ST3GAL6: variants seen among roughly 807,000 people sequenced by gnomAD.
ST3GAL6 encodes the protein type 2 lactosamine alpha-2,3-sialyltransferase.
Under a neutral mutation model 40.5 loss-of-function variants are expected in ST3GAL6, and 31 were observed. That is an observed-to-expected ratio of 0.77 (90% CI 0.58 to 1.03). ST3GAL6 has a LOEUF of 1.03. Among genes scored for constraint, ST3GAL6 ranks in the 50% least tolerant of loss-of-function variants. The probability of loss-of-function intolerance (pLI) is 0.00; values close to 1 mark genes in which losing one functional copy is unlikely to be tolerated. For synonymous variants in ST3GAL6, 129 were observed against 136.9 expected (o/e 0.94, Z 0.40); for missense variants, 357 against 393.2 (o/e 0.91, Z 0.78).
chr3:98,775,062 T>C (rs1024353501), intron 5 of ST3GAL6, among the ~76,000 whole-genome samples: 3 of 152,228 alleles, frequency 2.0e-5, no homozygotes, highest in African/African-American at 7.2e-5. Context: ...TGATTCTCTC[T>C]AATTCTGTAA....
chr3:98,782,822 C>T (rs1940272784), intron 5 of ST3GAL6: 5 of 505,588 alleles, frequency 9.9e-6, no homozygotes, highest in South Asian at 7.8e-5. Flanking sequence ...GTTGAATGAA[C>T]CCCTGAAACA....
Position 98,756,347 on chromosome 3 carries a change from C to T in ST3GAL6, c.-11-12083C>T, listed in dbSNP as rs149929848. 2.1e-4 allele frequency: 267 copies of T among 1,288,286 alleles called. No homozygotes were observed. In the East Asian group the frequency reaches 2.4e-3, roughly 12 times the overall value. 79.8% of individuals were successfully genotyped at this position (1,288,286 alleles called of 1,614,324 possible). ...CAGCTGAACCATTCTTAGAAACATA[C>T]TATCTTTATGTTTTATTTCAGCATT... On this transcript the variant is annotated intron_variant, in intron 1 of 9. Coordinates refer to the ST3GAL6 transcript ENST00000265261.
intron 6 of ST3GAL6, 41 bp from the exon 7 acceptor site, chr3:98,787,995 T>C: frequency 6.4e-7 from 1 of 1,556,592 alleles, no homozygotes. Flanking sequence ...TGGCAGATAC[T>C]GCACTTGGTC....
intron 1 of ST3GAL6, among the ~76,000 whole-genome samples, chr3:98,754,090 C>T (rs1937235802): frequency 6.6e-6 from 1 of 152,128 alleles, no homozygotes; most frequent in Non-Finnish European, 1.5e-5. Flanking sequence ...TTGTAAAGCT[C>T]TAGGTGTCAC....
chr3:98,762,991 A>T (rs1937949236), upstream of ST3GAL6: 2 of 985,324 alleles, frequency 2.0e-6, no homozygotes. Flanking sequence ...GATCTCACGC[A>T]TTTGGACTAC....
At chr3:98,792,879 TTAG>T (rs1377602408) in intron 9 of ST3GAL6, among the ~76,000 whole-genome samples, 1 of 152,094 alleles carries the variant, frequency 6.6e-6, no homozygotes, top group Non-Finnish European at 1.5e-5. Flanking sequence ...CTAACTTAAA[TTAG>T]TAGTGCATCA....
Position 98,795,394 on chromosome 3 carries a change from CCA to C in ST3GAL6, c.*1634_*1635del, listed in dbSNP as rs1941524806. 6.6e-6 allele frequency: 1 copy of C among 152,082 alleles called. No individual in the cohort carries two copies. Among genetic ancestry groups the C allele is most frequent in the South Asian group, 2.1e-4 (1 of 4,806 alleles). 9.4% of individuals were successfully genotyped at this position (152,082 alleles called of 1,614,324 possible). On this transcript the variant is annotated 3_prime_UTR_variant, in exon 10 of 10. Transcript: ENST00000483910. ...GGAGAACAGTAGTAGTTGATCTAAC[CCA>C]GATTAGACATGAATACCAGCATATG...
intron 1 of ST3GAL6, chr3:98,732,644 C>A: frequency 2.0e-6 from 1 of 496,666 alleles, no homozygotes. Flanking sequence ...GGCCACCGTG[C>A]AACTGGCGCC....
chr3:98,749,286 T>C lies in ST3GAL6; in HGVS notation c.-12+16754T>C, dbSNP rs143355230. On this transcript the variant is annotated intron_variant, in intron 1 of 9. Transcript: ENST00000265261. ...TAAAAAAATCTATCATATGTATTGA[T>C]TTATTTGTAATAATAAATTATAAGT... Among the ~76,000 whole-genome samples, 15 of 152,152 alleles carry C rather than the reference T, an allele frequency of 9.9e-5. No individual in the cohort carries two copies. In the East Asian group the frequency reaches 2.9e-3, roughly 29 times the overall value.
At chr3:98,738,589 T>G (rs1935785030) in intron 1 of ST3GAL6, among the ~76,000 whole-genome samples, 1 of 152,228 alleles carries the variant, frequency 6.6e-6, no homozygotes, top group Non-Finnish European at 1.5e-5. Context: ...CAGGTATTTC[T>G]TTATAGCAGT....
intron 1 of ST3GAL6, among the ~76,000 whole-genome samples, chr3:98,738,709 T>A (rs991640184): frequency 6.6e-6 from 1 of 152,220 alleles, no homozygotes. Flanking sequence ...AGCACCCAGA[T>A]TCACAAGGTA....
intron 9 of ST3GAL6, among the ~76,000 whole-genome samples, chr3:98,793,174 G>T (rs1467461181): frequency 2.0e-5 from 3 of 152,130 alleles, no homozygotes; most frequent in Non-Finnish European, 2.9e-5. Flanking sequence ...CTTTCCTGTA[G>T]CACTTGTGGT....
intron 2 of ST3GAL6, among the ~76,000 whole-genome samples, chr3:98,769,396 C>T (rs1405980350): frequency 1.3e-5 from 2 of 152,190 alleles, no homozygotes; most frequent in Non-Finnish European, 2.9e-5. Flanking sequence ...ACCCAAATAT[C>T]GGGCTAGAGA....
intron 6 of ST3GAL6, among the ~76,000 whole-genome samples, chr3:98,786,006 A>T (rs1940666199): frequency 6.6e-6 from 1 of 152,086 alleles, no homozygotes; most frequent in African/African-American, 2.4e-5. Flanking sequence ...AGCTTAGGAG[A>T]TTGGCTGGAG....
chr3:98,734,749 G>T (rs1039306151), intron 1 of ST3GAL6, among the ~76,000 whole-genome samples: 6 of 152,148 alleles, frequency 3.9e-5, no homozygotes, highest in African/African-American at 1.4e-4. Flanking sequence ...ACCATTAAGA[G>T]ACATACCATT....
At chr3:98,755,088 C>T (rs1232554721) in intron 1 of ST3GAL6, among the ~76,000 whole-genome samples, 1 of 152,166 alleles carries the variant, frequency 6.6e-6, no homozygotes, top group Admixed American at 6.5e-5. Context: ...CGCTCTGTCG[C>T]CCAGCCTGGA....
intron 5 of ST3GAL6, among the ~76,000 whole-genome samples, chr3:98,778,045 G>C (rs548584050): frequency 6.6e-6 from 1 of 152,106 alleles, no homozygotes; most frequent in East Asian, 1.9e-4. Context: ...TCAAATCTCA[G>C]CTCCCACTTA....
chr3:98,751,767 C>G (rs1937023295), intron 1 of ST3GAL6, among the ~76,000 whole-genome samples: 1 of 151,976 alleles, frequency 6.6e-6, no homozygotes. Flanking sequence ...TCATAGTTTC[C>G]AAGAACTTAT....
intron 1 of ST3GAL6, among the ~76,000 whole-genome samples, chr3:98,735,721 G>GTTTCCAAT (rs1935487282): frequency 6.6e-6 from 1 of 152,166 alleles, no homozygotes; most frequent in African/African-American, 2.4e-5. Flanking sequence ...ACACATCACA[G>GTTTCCAAT]TTTCCAATTT....
Sources: allele counts gnomAD v4.1 joint callset (sites outside exome capture counted in the v4.1 genomes callset), GRCh38; gene constraint gnomAD v4.1.1; transcripts MANE v1.5; gene names NCBI Gene and HGNC (gene_info 2026-07-23, HGNC 2026-07-21).